Variants in ELOVL6 observed in about 807,000 individuals in gnomAD.
ELOVL6 encodes the protein very long chain fatty acid elongase 6.
ELOVL6 carries 8 observed loss-of-function variants against 31.7 expected under a neutral mutation model. The observed-to-expected ratio is 0.25, with a 90% CI of 0.15 to 0.45. The LOEUF (loss-of-function observed/expected upper bound fraction) is 0.45. Among genes scored for constraint, ELOVL6 ranks in the 20% least tolerant of loss-of-function variants. ELOVL6 has a pLI of 1.00. For missense variants in ELOVL6, 126 were observed against 326.4 expected, an observed-to-expected ratio of 0.39 and a Z score of 4.73; for synonymous variants, 101 against 117.7, an observed-to-expected ratio of 0.86 and a Z score of 0.92.
intron 1 of ELOVL6, among the ~76,000 whole-genome samples, chr4:110,196,355 T>A (rs114863057): frequency 0.019 from 2,934 of 152,140 alleles, 92 homozygotes; most frequent in African/African-American, 0.067. Flanking sequence ...ATGACAAACA[T>A]GTGCGGAGAA....
At chr4:110,140,323 C>T (rs1047093817) in intron 1 of ELOVL6, among the ~76,000 whole-genome samples, 2 of 152,136 alleles carry the variant, frequency 1.3e-5, no homozygotes, top group African/African-American at 4.8e-5. Flanking sequence ...ACTTTGTGCT[C>T]AGTGTCAGAT....
chr4:110,111,473 T>G (rs1289193781), intron 1 of ELOVL6, among the ~76,000 whole-genome samples: 2 of 152,010 alleles, frequency 1.3e-5, no homozygotes, highest in African/African-American at 4.8e-5. Context: ...GCCAAGAAAT[T>G]TAATAAACTC....
chr4:110,144,899 T>G (rs1169109392), intron 1 of ELOVL6, among the ~76,000 whole-genome samples: 2 of 152,120 alleles, frequency 1.3e-5, no homozygotes, highest in Non-Finnish European at 1.5e-5. Context: ...CCATCCACTG[T>G]TGAAACCTTT....
chr4:110,056,127 G>C (rs943596543), intron 3 of ELOVL6, among the ~76,000 whole-genome samples: 7 of 142,708 alleles, frequency 4.9e-5, no homozygotes, highest in Admixed American at 3.4e-4. Flanking sequence ...GGAGCTGGGG[G>C]GGGGGATACA....
chr4:110,190,111 C>A (rs985527794), intron 1 of ELOVL6, among the ~76,000 whole-genome samples: 3 of 151,536 alleles, frequency 2.0e-5, no homozygotes, highest in African/African-American at 7.3e-5. Context: ...AAAAAAAAAA[C>A]TGAAATATGA....
chr4:110,166,044 A>G (rs753733246), intron 1 of ELOVL6, among the ~76,000 whole-genome samples: 21 of 152,106 alleles, frequency 1.4e-4, no homozygotes, highest in Non-Finnish European at 2.6e-4. Flanking sequence ...GGGACAGCTT[A>G]TCAACAAAAG....
chr4:110,084,425 A>ACATATGATATATCGCATATAT (rs1756135027), intron 2 of ELOVL6, among the ~76,000 whole-genome samples: 4 of 63,664 alleles, frequency 6.3e-5, no homozygotes, highest in Non-Finnish European at 1.0e-4. Context: ...ATGATATATC[A>ACATATGATATATCGCATATAT]CATATATCAT....
chr4:110,162,509 A>G, intron 1 of ELOVL6, among the ~76,000 whole-genome samples: 1 of 151,888 alleles, frequency 6.6e-6, no homozygotes, highest in East Asian at 1.9e-4. Flanking sequence ...ACTATGCCTA[A>G]TTTTTTTTCT....
intron 2 of ELOVL6, among the ~76,000 whole-genome samples, chr4:110,070,964 T>C (rs1191920334): frequency 1.3e-5 from 2 of 152,306 alleles, no homozygotes; most frequent in East Asian, 3.9e-4. Context: ...GCAAATTTCA[T>C]TGGGAGAGCA....
In ELOVL6 at chr4:110,187,419, C is replaced by T. The variant is rs552419787; in HGVS notation, c.89+10828G>A. The stretch of plus-strand genomic sequence containing the variant: ...ACCTAACTGCTTGGACAAATGAAGG[C>T]TTCTCAAGTTAGACCTCAGCAAAAT... On this transcript the variant is annotated intron_variant, in intron 1 of 3. Transcript: ENST00000302274. Among the ~76,000 whole-genome samples, 12 of 150,266 alleles carry T rather than the reference C, an allele frequency of 8.0e-5. No individual in the cohort carries two copies. The South Asian group carries it at 2.3e-3, about 29-fold the overall frequency.
At chr4:110,089,252 G>A (rs574581870) in intron 2 of ELOVL6, among the ~76,000 whole-genome samples, 17 of 152,122 alleles carry the variant, frequency 1.1e-4, no homozygotes, top group Non-Finnish European at 2.1e-4. Flanking sequence ...GTATAAAAAC[G>A]TGCATTCAGC....
chr4:110,175,981 C>T lies in ELOVL6; in HGVS notation c.89+22266G>A, dbSNP rs542396302. ...TGTACTTGTTTAAATCATTATTCTT[C>T]CACTTCCATTAGGAAGTTTGTATCT... On this transcript the variant is annotated intron_variant, in intron 1 of 3. Transcript: ENST00000302274. Among the ~76,000 whole-genome samples, 8 of 151,310 alleles carry T rather than the reference C, an allele frequency of 5.3e-5. No homozygotes were observed. In the South Asian group the frequency reaches 1.7e-3, roughly 32 times the overall value.
chr4:110,050,672 G>A lies in ELOVL6; in HGVS notation c.*666C>T, dbSNP rs901963038. On this transcript the variant is annotated 3_prime_UTR_variant, in exon 4 of 4. Transcript: ENST00000302274. ...CTTGGGGAAGTATTCACCCCCTTTG[G>A]TTTTGGCAAACTCACTAGCCTGAGG... 2.6e-5 allele frequency: 4 copies of A among 152,852 alleles called. No homozygotes were observed. The highest frequency in any genetic ancestry group is 9.7e-5 in the African/African-American group (4 of 41,430). The allele number at this position is 152,852 out of a possible 1,614,324, so 9.5% of individuals were successfully genotyped here. A position where few individuals can be genotyped will look rare whatever the true frequency, so the allele number is the denominator to read the frequency against.
chr4:110,172,635 GC>G (rs1758986220), intron 1 of ELOVL6, among the ~76,000 whole-genome samples: 1 of 152,172 alleles, frequency 6.6e-6, no homozygotes, highest in Non-Finnish European at 1.5e-5. Flanking sequence ...GACACTGGTT[GC>G]TTAGTTAAGT....
intron 2 of ELOVL6, among the ~76,000 whole-genome samples, chr4:110,084,135 A>ATATGATATATATATCATATATG (rs1553955997): frequency 5.7e-5 from 2 of 35,296 alleles, no homozygotes; most frequent in Non-Finnish European, 8.2e-5. Flanking sequence ...ATATGTGATA[A>ATATGATATATATATCATATATG]TGATATATAT....
At chr4:110,157,566 G>A (rs990850893) in intron 1 of ELOVL6, among the ~76,000 whole-genome samples, 9 of 152,090 alleles carry the variant, frequency 5.9e-5, no homozygotes, top group African/African-American at 2.2e-4. Context: ...AGCTACTCAT[G>A]AGGCTGAGGC....
intron 1 of ELOVL6, chr4:110,146,440 T>C: frequency 6.6e-6 from 1 of 152,592 alleles, no homozygotes; most frequent in Non-Finnish European, 1.5e-5. Context: ...CAAATCTTTG[T>C]GTTCACTTTC....
At chr4:110,151,814 T>C (rs1449535111) in intron 1 of ELOVL6, among the ~76,000 whole-genome samples, 1 of 152,236 alleles carries the variant, frequency 6.6e-6, no homozygotes, top group Non-Finnish European at 1.5e-5. Context: ...AATCTCTTGG[T>C]TTCTGAGTTT....
intron 1 of ELOVL6, among the ~76,000 whole-genome samples, chr4:110,182,699 G>C (rs1759323790): frequency 6.6e-6 from 1 of 152,030 alleles, no homozygotes; most frequent in Non-Finnish European, 1.5e-5. Context: ...ACCTGAGGTC[G>C]GTAGTTCGAG....
Sources: allele counts gnomAD v4.1 joint callset (sites outside exome capture counted in the v4.1 genomes callset), GRCh38; gene constraint gnomAD v4.1.1; transcripts MANE v1.5; gene names NCBI Gene and HGNC (gene_info 2026-07-23, HGNC 2026-07-21).